Variants in FGF14 observed in about 807,000 individuals in gnomAD.
FGF14 encodes the protein fibroblast growth factor homologous factor 4.
FGF14 carries 5 observed loss-of-function variants against 25.5 expected under a neutral mutation model. That is an observed-to-expected ratio of 0.20 (90% CI 0.10 to 0.41). The LOEUF (loss-of-function observed/expected upper bound fraction) is 0.41, where lower values mean the gene tolerates loss of function less well. Ranked by LOEUF, FGF14 falls within the 10% of genes least tolerant of loss-of-function variation. The pLI is 1.00. For synonymous variants in FGF14, 138 were observed against 118.3 expected, an observed-to-expected ratio of 1.17 and a Z score of -1.08; for missense variants, 222 against 320.1, an observed-to-expected ratio of 0.69 and a Z score of 2.34.
chr13:102,296,216 T>A (rs1180286408), intron 1 of FGF14, among the ~76,000 whole-genome samples: 1 of 152,196 alleles, frequency 6.6e-6, no homozygotes, highest in East Asian at 1.9e-4. Context: ...GTCTCTGAGT[T>A]CTAGAGATCT....
At chr13:101,777,506 T>C (rs980100462) in intron 3 of FGF14, among the ~76,000 whole-genome samples, 1 of 152,172 alleles carries the variant, frequency 6.6e-6, no homozygotes, top group African/African-American at 2.4e-5. Context: ...ACTGTTTGCC[T>C]GCTTTGAGGC....
At chr13:102,145,025 C>T (rs932577224) in intron 1 of FGF14, among the ~76,000 whole-genome samples, 9 of 152,070 alleles carry the variant, frequency 5.9e-5, no homozygotes, top group Admixed American at 5.9e-4. Flanking sequence ...CCTAAATAAA[C>T]ATCCCTGGAT....
intron 3 of FGF14, 145 bp downstream of exon 3, chr13:101,868,580 C>A: frequency 1.4e-6 from 1 of 700,368 alleles, no homozygotes; most frequent in East Asian, 2.7e-5. Flanking sequence ...GAATAATAAA[C>A]AGCTTCTAAG....
At chr13:101,773,918 A>G (rs757658626) in intron 3 of FGF14, among the ~76,000 whole-genome samples, 1 of 149,686 alleles carries the variant, frequency 6.7e-6, no homozygotes, top group Non-Finnish European at 1.5e-5. Flanking sequence ...TATCTCCTAT[A>G]TCCTAGGATT....
At chr13:101,949,066 C>T (rs1321683346) in intron 1 of FGF14, among the ~76,000 whole-genome samples, 1 of 152,068 alleles carries the variant, frequency 6.6e-6, no homozygotes, top group Non-Finnish European at 1.5e-5. Context: ...GCAACAGGAA[C>T]TGGGTGATGA....
chr13:102,290,693 G>C lies in FGF14; in HGVS notation c.208+110778C>G, dbSNP rs187359022. Among the ~76,000 whole-genome samples the C allele has an allele frequency of 6.6e-5, 10 of 152,304 alleles. No individual in the cohort carries two copies. The East Asian group carries it at 1.5e-3, about 24-fold the overall frequency. On this transcript the variant is annotated intron_variant, in intron 1 of 4. Transcript: ENST00000376131. ...TCTGCATATGCAAGACTTGGCTGTG[G>C]TCTTCAGCTTTATTCTGGAGTAAGT... is the stretch of plus-strand genomic sequence containing the variant.
chr13:102,196,948 G>GT lies in FGF14; in HGVS notation c.208+204522dup, dbSNP rs577856913. On this transcript the variant is annotated intron_variant, in intron 1 of 4. Coordinates refer to the FGF14 transcript ENST00000376131. ...GAGTCCACACCTGAGTCCAGATTTT[G>GT]TTTTTTTGGTTTTTTTTTTTCTGCT... Among the ~76,000 whole-genome samples the GT allele has an allele frequency of 9.0e-5, 11 of 122,464 alleles. No individual in the cohort carries two copies. The East Asian group carries it at 2.5e-3, about 28-fold the overall frequency. The allele number at this position is 122,464 out of a possible 152,430, so 80.3% of individuals were successfully genotyped here.
At chr13:102,355,584 T>C (rs976085280) in intron 1 of FGF14, among the ~76,000 whole-genome samples, 2 of 149,296 alleles carry the variant, frequency 1.3e-5, no homozygotes, top group Non-Finnish European at 3.0e-5. Flanking sequence ...GTGTGTGAAA[T>C]TGTTACCCCA....
intron 1 of FGF14, among the ~76,000 whole-genome samples, chr13:102,125,465 C>T (rs771040246): frequency 6.6e-6 from 1 of 152,080 alleles, no homozygotes; most frequent in Non-Finnish European, 1.5e-5. Context: ...AGACACAACG[C>T]TTCACCTACT....
At chr13:101,751,915 A>G (rs778653440) in intron 3 of FGF14, among the ~76,000 whole-genome samples, 73 of 152,162 alleles carry the variant, frequency 4.8e-4, no homozygotes, top group Non-Finnish European at 3.8e-4. Context: ...GGGGAAAAAA[A>G]CAAAACAAAA....
chr13:101,851,831 T>C (rs2043866395), intron 3 of FGF14, among the ~76,000 whole-genome samples: 1 of 152,154 alleles, frequency 6.6e-6, no homozygotes, highest in South Asian at 2.1e-4. Context: ...GGTATTTAAA[T>C]AGTGACCTAA....
chr13:101,868,524 T>C (rs1419234173), intron 3 of FGF14: 2 of 569,616 alleles, frequency 3.5e-6, no homozygotes, highest in African/African-American at 1.9e-5. Flanking sequence ...ATTTAAGACA[T>C]AGTATTACAC....
chr13:101,811,746 G>A (rs1449354569), intron 3 of FGF14, among the ~76,000 whole-genome samples: 1 of 152,182 alleles, frequency 6.6e-6, no homozygotes, highest in Non-Finnish European at 1.5e-5. Context: ...ATGACTGAGG[G>A]TTCCTGTTGC....
chr13:101,882,626 G>A (rs936250851), intron 1 of FGF14, among the ~76,000 whole-genome samples: 13 of 151,822 alleles, frequency 8.6e-5, no homozygotes, highest in African/African-American at 3.1e-4. Flanking sequence ...AATAAGCAGT[G>A]GGTGAATTTA....
chr13:102,154,996 C>G (rs1278375584), intron 1 of FGF14, among the ~76,000 whole-genome samples: 1 of 152,156 alleles, frequency 6.6e-6, no homozygotes, highest in Admixed American at 6.5e-5. Flanking sequence ...AATACAGGAG[C>G]ATACAGATTC....
At chr13:102,223,685 A>T (rs2050713055) in intron 1 of FGF14, among the ~76,000 whole-genome samples, 1 of 152,138 alleles carries the variant, frequency 6.6e-6, no homozygotes. Flanking sequence ...TACTGTCATA[A>T]TTCACATTTA....
intron 1 of FGF14, among the ~76,000 whole-genome samples, chr13:102,399,657 G>A (rs551408351): frequency 1.5e-4 from 23 of 152,216 alleles, no homozygotes; most frequent in Non-Finnish European, 2.8e-4. Flanking sequence ...CATGCGGGTG[G>A]AAAGGTGACA....
intron 1 of FGF14, among the ~76,000 whole-genome samples, chr13:101,965,439 A>G (rs1038302294): frequency 2.6e-5 from 4 of 152,140 alleles, no homozygotes; most frequent in African/African-American, 4.8e-5. Flanking sequence ...AATGTTGTCA[A>G]ATTTGACCAA....
At chr13:102,078,435 C>A (rs2043464218) in intron 1 of FGF14, among the ~76,000 whole-genome samples, 1 of 149,008 alleles carries the variant, frequency 6.7e-6, no homozygotes, top group African/African-American at 2.6e-5. Context: ...AAACAATACA[C>A]ACAAAAAATA....
Sources: allele counts gnomAD v4.1 joint callset (sites outside exome capture counted in the v4.1 genomes callset), GRCh38; gene constraint gnomAD v4.1.1; transcripts MANE v1.5; gene names NCBI Gene and HGNC (gene_info 2026-07-23, HGNC 2026-07-21).